Variants in CELSR1 observed in about 807,000 individuals in gnomAD.
CELSR1 encodes the protein cadherin EGF LAG seven-pass G-type receptor 1, also known as adhesion G protein-coupled receptor C1.
Under a neutral mutation model 249.1 loss-of-function variants are expected in CELSR1, and 110 were observed. The ratio of observed to expected loss-of-function variants is 0.44; its 90% confidence interval spans 0.38 to 0.52. The LOEUF is 0.52. CELSR1 is among the 20% of genes least tolerant of loss of function. The pLI is 0.00. For synonymous variants in CELSR1, 2,113 were observed against 1,900.0 expected (o/e 1.11, Z -2.92); for missense variants, 4,109 against 4,296.4 (o/e 0.96, Z 1.22).
intron 18 of CELSR1, 121 bp from the exon 19 acceptor site, chr22:46,386,706 A>G (rs2147238290): frequency 2.7e-6 from 2 of 742,480 alleles, no homozygotes; most frequent in Admixed American, 3.7e-5. Context: ...CCAGCCCTAC[A>G]CTTTAGACTG....
At chr22:46,366,570 C>T (rs553721996) in intron 29 of CELSR1, 90 bp from the exon 30 acceptor site, 2 of 1,026,462 alleles carry the variant, frequency 1.9e-6, no homozygotes, top group East Asian at 2.6e-5. Flanking sequence ...GCAAGCCCCC[C>T]ACACCCACAC....
intron 1 of CELSR1, among the ~76,000 whole-genome samples, chr22:46,465,661 A>G (rs2080088977): frequency 6.6e-6 from 1 of 152,250 alleles, no homozygotes; most frequent in Non-Finnish European, 1.5e-5. Context: ...CAGCACCAGG[A>G]GCCACCAGTC....
chr22:46,457,600 G>A (rs567896131), intron 2 of CELSR1, among the ~76,000 whole-genome samples: 205 of 152,334 alleles, frequency 1.3e-3, no homozygotes, highest in South Asian at 7.0e-3. Flanking sequence ...ATGGGAAGAC[G>A]AAGACGCTAC....
At chr22:46,515,908 T>TC (rs1391586963) in intron 1 of CELSR1, among the ~76,000 whole-genome samples, 1 of 152,118 alleles carries the variant, frequency 6.6e-6, no homozygotes, top group African/African-American at 2.4e-5. Flanking sequence ...CACAATGAGA[T>TC]ATCATCTCAC....
At chr22:46,494,155 GCT>G (rs938203552) in intron 1 of CELSR1, among the ~76,000 whole-genome samples, 1 of 152,044 alleles carries the variant, frequency 6.6e-6, no homozygotes, top group Non-Finnish European at 1.5e-5. Flanking sequence ...TGTTTTCTGG[GCT>G]CTCTCTTCCA....
intron 9 of CELSR1, 101 bp from the exon 10 acceptor site, chr22:46,400,003 T>G (rs2147288155): frequency 8.1e-7 from 1 of 1,233,170 alleles, no homozygotes; most frequent in Non-Finnish European, 1.1e-6. Flanking sequence ...GGAGACTGAT[T>G]ATGTGGCACC....
Position 46,484,749 on chromosome 22 carries a change from G to A in CELSR1, c.3545-20404C>T, listed in dbSNP as rs906455028. Among the ~76,000 whole-genome samples the A allele has an allele frequency of 1.4e-5, 2 of 142,304 alleles. No individual in the cohort carries two copies. The highest frequency in any genetic ancestry group is 3.0e-5 in the Non-Finnish European group (2 of 65,954). 93.4% of individuals were successfully genotyped at this position (142,304 alleles called of 152,430 possible). On this transcript the variant is annotated intron_variant, in intron 1 of 34. Transcript: ENST00000674500. This position sits in a 1 kb window ranked among gnomAD's most constrained non-coding sequence, Gnocchi z 4.5. Reference sequence around the variant, plus strand: ...GCCCAGGTGCTGGGGAGGTCCGGCTGCTGCCTGAGGTCTCCAAACACTACC... The same window carrying A: ...GCCCAGGTGCTGGGGAGGTCCGGCTACTGCCTGAGGTCTCCAAACACTACC...
intron 2 of CELSR1, among the ~76,000 whole-genome samples, chr22:46,453,121 T>C (rs1277452251): frequency 6.6e-6 from 1 of 152,046 alleles, no homozygotes; most frequent in Non-Finnish European, 1.5e-5. Flanking sequence ...GGCCTGGATG[T>C]GGGGCCAGGG....
intron 1 of CELSR1, among the ~76,000 whole-genome samples, chr22:46,522,566 T>C (rs968958081): frequency 5.9e-5 from 9 of 152,232 alleles, no homozygotes; most frequent in African/African-American, 2.2e-4. Flanking sequence ...GTTCTTTACA[T>C]AGTCTGGATA....
chr22:46,458,595 A>T (rs991633652), intron 2 of CELSR1, among the ~76,000 whole-genome samples: 2 of 152,132 alleles, frequency 1.3e-5, no homozygotes, highest in African/African-American at 4.8e-5. Context: ...CAGAGCAGGG[A>T]GTATCTGGAG....
At chr22:46,475,401 G>A (rs1367177933) in intron 1 of CELSR1, among the ~76,000 whole-genome samples, 1 of 152,130 alleles carries the variant, frequency 6.6e-6, no homozygotes, top group Admixed American at 6.6e-5. Flanking sequence ...TTCTGCTTAC[G>A]AGAGGTCCCG....
chr22:46,497,515 A>G lies in CELSR1; in HGVS notation c.3545-33170T>C, dbSNP rs1025085492. ...GAGTTCCTTGGGTTGGGGCTACATC[A>G]TCCTACTCTCTGGTCTTCACACATT... On this transcript the variant is annotated intron_variant, in intron 1 of 34. Coordinates refer to ENST00000674500, the MANE Select transcript of CELSR1 (RefSeq NM_001378328.1). Among the ~76,000 whole-genome samples, 4 of 152,264 alleles carry G rather than the reference A, an allele frequency of 2.6e-5. No homozygotes were observed. In the East Asian group the frequency reaches 7.7e-4, roughly 29 times the overall value.
intron 1 of CELSR1, among the ~76,000 whole-genome samples, chr22:46,467,813 C>T (rs1451482737): frequency 6.6e-6 from 1 of 151,720 alleles, no homozygotes; most frequent in Non-Finnish European, 1.5e-5. Context: ...CAGAGTGAGA[C>T]TCCATCTCAA....
Position 46,364,527 on chromosome 22 carries a change from G to A in CELSR1, c.8764C>T (p.Pro2922Ser). The A allele has an allele frequency of 6.2e-7, 1 of 1,611,052 alleles. No homozygotes were observed. The change falls in exon 33 of 35, where the codon CCA (proline) becomes TCA (serine). Residue 2922 changes from proline (P) to serine (S), a missense_variant. Physicochemically the swap from Pro to Ser is moderately conservative, Grantham distance 74. Around this residue, in one of 7 missense-constraint regions of CELSR1, gnomAD observed 1,805 missense variants for 1,831.6 expected, o/e 0.99. Transcript: ENST00000674500. ...GAARLASSQP[P>S]EQRKGILKNK... Reference sequence around the variant, plus strand: ...CCCCAGGCACCTTTCCTCTGCTCTGGGGGCTGGCTGCTAGCAAGCCTGGCT... The same window carrying A: ...CCCCAGGCACCTTTCCTCTGCTCTGAGGGCTGGCTGCTAGCAAGCCTGGCT...
At chr22:46,453,262 G>A (rs1052070402) in intron 2 of CELSR1, among the ~76,000 whole-genome samples, 1 of 152,162 alleles carries the variant, frequency 6.6e-6, no homozygotes, top group South Asian at 2.1e-4. Context: ...TGCCAACTAC[G>A]AACAGCAGCA....
At position 46,393,164 on chromosome 22, in the gene CELSR1, T is replaced by C. The variant is rs1297327730; in HGVS notation, c.5964+978A>G. ...AGCTCACGTCCCTCGCCCAGGCTCC[T>C]GTTACCCTCAGACCTAACATTTGGG... On this transcript the variant is annotated intron_variant, in intron 14 of 34. Coordinates refer to ENST00000674500, the MANE Select transcript of CELSR1 (RefSeq NM_001378328.1). This position sits in a 1 kb window ranked among gnomAD's most constrained non-coding sequence, Gnocchi z 4.1. Among the ~76,000 whole-genome samples, 1 of 152,202 alleles carries C rather than the reference T, an allele frequency of 6.6e-6. No homozygotes were observed. Among genetic ancestry groups the C allele is most frequent in the African/African-American group, 2.4e-5 (1 of 41,454 alleles).
At chr22:46,394,058 G>A (rs906617775) in intron 14 of CELSR1, 84 bp downstream of exon 14, 7 of 1,528,122 alleles carry the variant, frequency 4.6e-6, no homozygotes, top group African/African-American at 1.4e-5. Flanking sequence ...GACAGGGTAT[G>A]TGAAGGCGTG....
intron 1 of CELSR1, among the ~76,000 whole-genome samples, chr22:46,486,556 A>G (rs1414991050): frequency 6.6e-6 from 1 of 150,468 alleles, no homozygotes; most frequent in Non-Finnish European, 1.5e-5. Context: ...TCAAAAAAAA[A>G]TAAAGGCTGG....
In CELSR1 at chr22:46,420,771, G is replaced by A. The variant is rs545384842; in HGVS notation, c.4612-9012C>T. On this transcript the variant is annotated intron_variant, in intron 5 of 34. Transcript: ENST00000674500. ...TAGTCCCCCTGCCTCTTCTTGCCCT[G>A]ATGACCTTTCTGACCAGCCTCCCTC... is the stretch of plus-strand genomic sequence containing the variant. Among the ~76,000 whole-genome samples, 29 of 152,256 alleles carry A rather than the reference G, an allele frequency of 1.9e-4. No individual in the cohort carries two copies. The South Asian group carries it at 6.0e-3, about 32-fold the overall frequency.
Sources: gnomAD v4.1 joint callset for allele counts (sites outside exome capture counted in the v4.1 genomes callset) on GRCh38, gnomAD v4.1.1 for gene constraint, gnomAD v4.1.1 regional missense constraint, Gnocchi (gnomAD v3.1) non-coding constraint, MANE v1.5 for transcripts, NCBI Gene and HGNC (gene_info 2026-07-23, HGNC 2026-07-21) for gene names.